CYP4F8: variants seen among roughly 807,000 people sequenced by gnomAD.
The protein encoded by CYP4F8 is cytochrome P450 4F8.
CYP4F8 carries 56 observed loss-of-function variants against 55.0 expected under a neutral mutation model. That is an observed-to-expected ratio of 1.02 (90% CI 0.82 to 1.27). The LOEUF (loss-of-function observed/expected upper bound fraction) is 1.27, where lower values mean the gene tolerates loss of function less well. Ranked by LOEUF, CYP4F8 falls within the 50% of genes most tolerant of loss-of-function variation. The pLI is 0.00. For missense variants in CYP4F8, 680 were observed against 682.4 expected, an observed-to-expected ratio of 1.00 and a Z score of 0.04; for synonymous variants, 288 against 267.3, an observed-to-expected ratio of 1.08 and a Z score of -0.76.
intron 7 of CYP4F8, 85 bp downstream of exon 7, chr19:15,623,460 G>A (rs1008122132): frequency 2.8e-5 from 43 of 1,563,534 alleles, no homozygotes; most frequent in Admixed American, 7.4e-5. Flanking sequence ...TTGATACAGA[G>A]GGCACTAAGG....
At chr19:15,617,340 C>G (rs1052181872) in intron 2 of CYP4F8, among the ~76,000 whole-genome samples, 2 of 152,162 alleles carry the variant, frequency 1.3e-5, no homozygotes, top group Non-Finnish European at 2.9e-5. Context: ...TGGAGATTAC[C>G]CCTATGTGCG....
intron 8 of CYP4F8, 76 bp from the exon 9 acceptor site, chr19:15,623,889 C>A: frequency 5.6e-6 from 9 of 1,598,158 alleles, no homozygotes; most frequent in Non-Finnish European, 7.7e-6. Flanking sequence ...TCCTGAGAGC[C>A]TCAATGTATG....
intron 12 of CYP4F8, 96 bp downstream of exon 12, chr19:15,628,939 G>T (rs866479925): frequency 7.2e-7 from 1 of 1,393,410 alleles, no homozygotes; most frequent in African/African-American, 1.4e-5. Context: ...GTGTTTCTGT[G>T]ATAGGGGTTT....
chr19:15,618,180 G>A, intron 3 of CYP4F8, 36 bp downstream of exon 3: 1 of 1,613,900 alleles, frequency 6.2e-7, no homozygotes, highest in Non-Finnish European at 8.5e-7. Flanking sequence ...GGGCACAGGA[G>A]AACATTGGAG....
rs1338813863 is a variant in CYP4F8, at chr19:15,629,316, T to A, written c.1521T>A (p.Arg507=). The change falls in exon 13 of 13, where the codon CGT becomes CGA. Residue 507 remains arginine, a synonymous_variant. Transcript: ENST00000612078. ...EPRRTPEIVL[R]AEDGLWLRVE... is the part of the protein sequence containing the mutation. ...GCAGGACGCCGGAGATTGTTTTGCG[T>A]GCGGAGGACGGACTTTGGCTGCGAG... The A allele has an allele frequency of 1.2e-6, 2 of 1,612,964 alleles. No individual in the cohort carries two copies. Among genetic ancestry groups the A allele is most frequent in the African/African-American group, 1.3e-5 (1 of 75,032 alleles).
intron 3 of CYP4F8, 92 bp downstream of exon 3, chr19:15,618,236 A>G: frequency 6.3e-7 from 1 of 1,582,216 alleles, no homozygotes; most frequent in Non-Finnish European, 8.7e-7. Context: ...CTCTTGTAGT[A>G]CTCAGCCCCT....
chr19:15,616,321 C>T (rs1972121882), intron 2 of CYP4F8, among the ~76,000 whole-genome samples: 1 of 152,040 alleles, frequency 6.6e-6, no homozygotes, highest in Non-Finnish European at 1.5e-5. Flanking sequence ...CTTGCTCACT[C>T]ATTCCTCTGC....
At chr19:15,623,632 T>C in intron 7 of CYP4F8, 67 bp from the exon 8 acceptor site, 1 of 1,574,034 alleles carries the variant, frequency 6.4e-7, no homozygotes, top group Non-Finnish European at 8.7e-7. Flanking sequence ...TAATGGGTCT[T>C]CAGAGACTGT....
At chr19:15,619,285 T>C in intron 3 of CYP4F8, 1 of 579,030 alleles carries the variant, frequency 1.7e-6, no homozygotes, top group Non-Finnish European at 3.1e-6. Flanking sequence ...TGTCAGGGTG[T>C]ATCATTGCTC....
chr19:15,625,426 C>CTA (rs898783621), intron 9 of CYP4F8, among the ~76,000 whole-genome samples: 11 of 148,684 alleles, frequency 7.4e-5, no homozygotes, highest in East Asian at 2.0e-4. Context: ...AGTGTATACA[C>CTA]TATATATATA....
intron 9 of CYP4F8, among the ~76,000 whole-genome samples, chr19:15,626,834 A>C (rs1214416730): frequency 1.3e-5 from 2 of 152,202 alleles, no homozygotes; most frequent in Non-Finnish European, 2.9e-5. Context: ...ATCATCTTTT[A>C]ACATTATAAT....
At chr19:15,618,245 C>A (rs714772) in intron 3 of CYP4F8, 101 bp downstream of exon 3, 178 of 1,553,858 alleles carry the variant, frequency 1.1e-4, no homozygotes, top group Non-Finnish European at 1.5e-4. Context: ...TACTCAGCCC[C>A]TTCCTTCCTG....
At chr19:15,623,869 C>G (rs1972227847) in intron 8 of CYP4F8, 96 bp from the exon 9 acceptor site, 4 of 1,595,510 alleles carry the variant, frequency 2.5e-6, no homozygotes, top group Non-Finnish European at 3.4e-6. Flanking sequence ...CCTCCCCCTC[C>G]CCTCAACCTT....
rs1278893698 is a variant in CYP4F8 at position 15,623,100 on chromosome 19, T to C, written c.648-5T>C. On this transcript the variant is annotated splice_region_variant and splice_polypyrimidine_tract_variant and intron_variant, in intron 6 of 12. Coordinates refer to ENST00000612078, the MANE Select transcript of CYP4F8 (RefSeq NM_007253.4). ...CTGCTTCCTCTCTCTGGACTGGCCC[T>C]GCAGGAAGCCCAGTGAATATATTAC... is the stretch of plus-strand genomic sequence containing the variant. 1 of 1,612,070 alleles carries C rather than the reference T, an allele frequency of 6.2e-7. No homozygotes were observed. Among genetic ancestry groups the C allele is most frequent in the South Asian group, 1.1e-5 (1 of 90,994 alleles).
chr19:15,628,937 G>C, intron 12 of CYP4F8, 94 bp downstream of exon 12: 1 of 1,394,212 alleles, frequency 7.2e-7, no homozygotes, highest in Non-Finnish European at 9.7e-7. Flanking sequence ...ACGTGTTTCT[G>C]TGATAGGGGT....
intron 2 of CYP4F8, among the ~76,000 whole-genome samples, chr19:15,616,211 CTCACTCACTCATT>C (rs1972118755): frequency 6.9e-6 from 1 of 144,126 alleles, no homozygotes. Context: ...CATTCCTCTC[CTCACTCACTCATT>C]CCTCTCCTCA....
chr19:15,615,661 A>T lies in CYP4F8; in HGVS notation c.45A>T (p.Ala15=). 6.2e-7 allele frequency: 1 copy of T among 1,613,920 alleles called. No homozygotes were observed. Among genetic ancestry groups the T allele is most frequent in the Non-Finnish European group, 8.5e-7 (1 of 1,179,920 alleles). ...CTTGGCTGGGCCTCAGGCCGGTGGCAGCATCCCCGTGGCTGCTCCTGCTGG... is the reference window on the plus strand; with the variant it reads ...CTTGGCTGGGCCTCAGGCCGGTGGCTGCATCCCCGTGGCTGCTCCTGCTGG... ...SLSWLGLRPV[A]ASPWLLLLVV... is the part of the protein sequence containing the mutation. The change falls in exon 2 of 13, where the codon GCA becomes GCT. Residue 15 remains alanine, a synonymous_variant. Coordinates refer to ENST00000612078, the MANE Select transcript of CYP4F8 (RefSeq NM_007253.4).
At chr19:15,625,412 A>G (rs1442794627) in intron 9 of CYP4F8, among the ~76,000 whole-genome samples, 1 of 149,440 alleles carries the variant, frequency 6.7e-6, no homozygotes, top group Non-Finnish European at 1.5e-5. Context: ...CACATACTAT[A>G]TATAGTGTAT....
At chr19:15,615,951 A>G in intron 2 of CYP4F8, 137 bp downstream of exon 2, 4 of 767,866 alleles carry the variant, frequency 5.2e-6, no homozygotes, top group Non-Finnish European at 7.5e-6. Flanking sequence ...TCCTCTTCCC[A>G]CTCATTCCTC....
Sources: allele counts gnomAD v4.1 joint callset (sites outside exome capture counted in the v4.1 genomes callset), GRCh38; gene constraint gnomAD v4.1.1; transcripts MANE v1.5; gene names NCBI Gene and HGNC (gene_info 2026-07-23, HGNC 2026-07-21).